The following QRICH1 variants were observed in gnomAD, a reference collection of about 807,000 sequenced individuals.
QRICH1 encodes glutamine rich 1.
In QRICH1, 16 loss-of-function variants were observed where a neutral mutation model predicts 87.1. That is an observed-to-expected ratio of 0.18 (90% CI 0.12 to 0.28). QRICH1 has a LOEUF of 0.28. Ranked by LOEUF, QRICH1 falls within the 10% of genes least tolerant of loss-of-function variation. The pLI, the probability that QRICH1 is intolerant of heterozygous loss-of-function variation, is 1.00. For synonymous variants in QRICH1, 367 were observed against 368.4 expected (o/e 1.00, Z 0.05); for missense variants, 647 against 951.7 (o/e 0.68, Z 4.21).
chr3:49,088,352 T>C (rs1430958672), intron 1 of QRICH1, among the ~76,000 whole-genome samples: 5 of 152,100 alleles, frequency 3.3e-5, no homozygotes, highest in Non-Finnish European at 7.4e-5. Context: ...TGGAGTGCAA[T>C]GGCATCATCT....
In QRICH1 at chr3:49,042,053, G is replaced by A. The variant is rs58836053; in HGVS notation, c.1786+2337C>T. ...CTCCCAAAGTGCTGGGATTACAGGC[G>A]TGAGCCACCGCGCCCAGACTGTGTT... On this transcript the variant is annotated intron_variant, in intron 6 of 9. Coordinates refer to ENST00000395443, the MANE Select transcript of QRICH1 (RefSeq NM_198880.3). Among the ~76,000 whole-genome samples the A allele has an allele frequency of 0.055, 8,211 of 148,650 alleles. 1,656 individuals are homozygous for A. The East Asian group carries it at 0.6, about 11-fold the overall frequency.
rs1388236233 is a variant in QRICH1, at chr3:49,076,876, T to C, written c.142A>G (p.Thr48Ala). The C allele has an allele frequency of 9.9e-6, 16 of 1,613,896 alleles. No homozygotes were observed. The highest frequency in any genetic ancestry group is 1.3e-5 in the Non-Finnish European group (15 of 1,179,916). The change falls in exon 2 of 10, where the codon ACA (threonine) becomes GCA (alanine). Residue 48 changes from threonine to alanine, a missense_variant. Physicochemically the swap from Thr to Ala is moderately conservative, Grantham distance 58. Coordinates refer to ENST00000395443, the MANE Select transcript of QRICH1 (RefSeq NM_198880.3). ...GPEALQEFQQ[T>A]ATTTMVYQQG... The stretch of plus-strand genomic sequence containing the variant: ...TGGTACACCATGGTAGTGGTGGCTG[T>C]CTGCTGGAACTCCTGAAGGGCTTCT...
At chr3:49,050,710 A>G (rs1195434966) in intron 3 of QRICH1, among the ~76,000 whole-genome samples, 3 of 151,972 alleles carry the variant, frequency 2.0e-5, no homozygotes, top group Non-Finnish European at 4.4e-5. Context: ...CAACAACAAC[A>G]ACAACAACAA....
intron 2 of QRICH1, among the ~76,000 whole-genome samples, chr3:49,065,818 C>T (rs1311834038): frequency 6.6e-6 from 1 of 151,990 alleles, no homozygotes; most frequent in African/African-American, 2.4e-5. Context: ...GTAGCTGGGA[C>T]TACAGGCACC....
chr3:49,042,326 C>G (rs1030697630), intron 6 of QRICH1, among the ~76,000 whole-genome samples: 1 of 151,270 alleles, frequency 6.6e-6, no homozygotes, highest in African/African-American at 2.4e-5. Context: ...GTCTCGATCT[C>G]CCGACCTTGT....
chr3:49,086,789 C>T (rs1261637094), intron 1 of QRICH1: 1 of 152,102 alleles, frequency 6.6e-6, no homozygotes, highest in Non-Finnish European at 1.5e-5. Flanking sequence ...TTTCTTATCC[C>T]TGATACCTCT....
chr3:49,088,561 T>C (rs1218936347), intron 1 of QRICH1, among the ~76,000 whole-genome samples: 3 of 150,044 alleles, frequency 2.0e-5, no homozygotes, highest in Non-Finnish European at 3.0e-5. Context: ...ACGGCCCCCC[T>C]CGACCTCCCA....
chr3:49,079,623 G>C (rs1358953744), intron 1 of QRICH1, among the ~76,000 whole-genome samples: 2 of 151,978 alleles, frequency 1.3e-5, no homozygotes, highest in East Asian at 3.8e-4. Context: ...CCTAACTACA[G>C]ATTCAGAGAA....
intron 3 of QRICH1, among the ~76,000 whole-genome samples, chr3:49,051,535 T>C (rs1255936042): frequency 1.3e-5 from 2 of 150,628 alleles, no homozygotes; most frequent in East Asian, 3.9e-4. Context: ...TGGATATCCA[T>C]ATTTGTCAAA....
At chr3:49,055,348 G>A (rs1284732590) in intron 3 of QRICH1, among the ~76,000 whole-genome samples, 2 of 152,022 alleles carry the variant, frequency 1.3e-5, no homozygotes, top group East Asian at 3.8e-4. Flanking sequence ...TAAGACCAGA[G>A]GCCCTATATC....
intron 6 of QRICH1, among the ~76,000 whole-genome samples, chr3:49,038,739 A>T (rs2093291458): frequency 6.6e-6 from 1 of 152,232 alleles, no homozygotes; most frequent in African/African-American, 2.4e-5. Flanking sequence ...TATTTTTTAA[A>T]GTATGAGCCG....
chr3:49,054,730 C>T (rs1476101294), intron 3 of QRICH1, among the ~76,000 whole-genome samples: 2 of 152,048 alleles, frequency 1.3e-5, no homozygotes, highest in Non-Finnish European at 2.9e-5. Flanking sequence ...CACAGTGAGA[C>T]CCTGTCTCTA....
At chr3:49,061,603 A>G (rs1194932701) in intron 2 of QRICH1, among the ~76,000 whole-genome samples, 1 of 152,238 alleles carries the variant, frequency 6.6e-6, no homozygotes, top group Admixed American at 6.5e-5. Context: ...CTGTAATCCC[A>G]GCTCTGTGGG....
At position 49,065,103 on chromosome 3, in the gene QRICH1, A is replaced by G. The variant is rs181147767; in HGVS notation, c.310-7213T>C. 7.2e-5 allele frequency among the ~76,000 whole-genome samples: 11 copies of G among 152,326 alleles called. No homozygotes were observed. In the East Asian group the frequency reaches 1.2e-3, roughly 16 times the overall value. On this transcript the variant is annotated intron_variant, in intron 2 of 9. Coordinates refer to ENST00000395443, the MANE Select transcript of QRICH1 (RefSeq NM_198880.3). ...ATAACTATTTGCCAAAATAATTATA[A>G]TAAGAATTGCATTGTTTTACATTTT...
At chr3:49,067,296 G>A (rs1393587247) in intron 2 of QRICH1, among the ~76,000 whole-genome samples, 1 of 152,062 alleles carries the variant, frequency 6.6e-6, no homozygotes, top group African/African-American at 2.4e-5. Context: ...GGCTGGGTGC[G>A]GTGGCTCACG....
rs969076391 is a variant in QRICH1 at position 49,057,573 on chromosome 3, C to T, written c.627G>A (p.Gln209=). ...CACCCACGGTCTGGATTTGGATCTGCTGACCACCAGCAAGAGACTGGCCAG... is the reference window on the plus strand; with the variant it reads ...CACCCACGGTCTGGATTTGGATCTGTTGACCACCAGCAAGAGACTGGCCAG... ...LVAGQSLAGG[Q]QIQIQTVGAL... The change falls in exon 3 of 10, where the codon CAG becomes CAA. Residue 209 remains glutamine, a synonymous_variant. Coordinates refer to ENST00000395443, the MANE Select transcript of QRICH1 (RefSeq NM_198880.3). This position sits in a 1 kb window ranked among gnomAD's most constrained non-coding sequence, Gnocchi z 5.4. 4.3e-6 allele frequency: 7 copies of T among 1,613,298 alleles called. No homozygotes were observed. The highest frequency in any genetic ancestry group is 5.9e-6 in the Non-Finnish European group (7 of 1,179,528).
In QRICH1 at chr3:49,088,618, GTT is replaced by G. The variant is rs1206382284; in HGVS notation, c.-22+5292_-22+5293del. Among the ~76,000 whole-genome samples, 244 of 93,150 alleles carry G rather than the reference GTT, an allele frequency of 2.6e-3. 1 individual carries two copies. Among genetic ancestry groups the G allele is most frequent in the African/African-American group, 8.5e-3 (217 of 25,384 alleles). 61.1% of individuals were successfully genotyped at this position (93,150 alleles called of 152,430 possible). A position where few individuals can be genotyped will look rare whatever the true frequency, so the allele number is the denominator to read the frequency against. ...GAGCCACTGCACCAGGCTTTTGTCT[GTT>G]TTTTTTTTTTTTTTTTTTTTAATGA... On this transcript the variant is annotated intron_variant, in intron 1 of 9. Transcript: ENST00000395443.
At chr3:49,058,003 A>T (rs975900580) in intron 2 of QRICH1, 113 bp from the exon 3 acceptor site, 3 of 1,555,934 alleles carry the variant, frequency 1.9e-6, no homozygotes, top group African/African-American at 2.7e-5. Flanking sequence ...GTGAGAAAAC[A>T]CTGGCATACT....
chr3:49,051,520 C>A lies in QRICH1; in HGVS notation c.1339-4274G>T, dbSNP rs112843272. ...CCCTGGTGAGTCTCACCCACTTTTC[C>A]AGTTTGGATATCCATATTTGTCAAA... is the stretch of plus-strand genomic sequence containing the variant. On this transcript the variant is annotated intron_variant, in intron 3 of 9. Transcript: ENST00000395443. Among the ~76,000 whole-genome samples, 12 of 151,636 alleles carry A rather than the reference C, an allele frequency of 7.9e-5. 2 individuals carry two copies. Among genetic ancestry groups the A allele is most frequent in the African/African-American group, 2.7e-4 (11 of 41,296 alleles).
Sources: allele counts gnomAD v4.1 joint callset (sites outside exome capture counted in the v4.1 genomes callset), GRCh38; gene constraint gnomAD v4.1.1; non-coding constraint Gnocchi (gnomAD v3.1); transcripts MANE v1.5; gene names NCBI Gene and HGNC (gene_info 2026-07-23, HGNC 2026-07-21).